The following ATP6V1F variants were observed in gnomAD, a reference collection of about 807,000 sequenced individuals.
ATP6V1F encodes ATPase H+ transporting V1 subunit F.
Under a neutral mutation model 6.6 loss-of-function variants are expected in ATP6V1F, and 4 were observed. The ratio of observed to expected loss-of-function variants is 0.60; its 90% CI spans 0.30 to 1.38. The LOEUF is 1.38. Ranked by LOEUF, ATP6V1F falls within the 40% of genes most tolerant of loss-of-function variation. The probability of loss-of-function intolerance (pLI) is 0.08; values close to 1 mark genes in which losing one functional copy is unlikely to be tolerated. For missense variants in ATP6V1F, 136 were observed against 165.5 expected, an observed-to-expected ratio of 0.82 and a Z score of 0.98; for synonymous variants, 68 against 66.9, an observed-to-expected ratio of 1.02 and a Z score of -0.08.
At position 128,863,116 on chromosome 7, in the gene ATP6V1F, G is replaced by A. The variant is rs553457309; in HGVS notation, c.158+54G>A. The A allele has an allele frequency of 2.0e-3, 3,127 of 1,576,192 alleles. 12 individuals are homozygous for A. Among genetic ancestry groups the A allele is most frequent in the South Asian group, 4.3e-3 (373 of 85,962 alleles). The stretch of plus-strand genomic sequence containing the variant: ...CCCTTCTGCTGCTCGGTGGAGTGCG[G>A]GGCGAGGCTGGAGGCTGCCCGGACG... On this transcript the variant is annotated intron_variant, in intron 1 of 1. Coordinates refer to ENST00000249289, the MANE Select transcript of ATP6V1F (RefSeq NM_004231.4).
rs1809302590 is a variant in ATP6V1F at position 128,863,034 on chromosome 7, A to G, written c.130A>G (p.Thr44Ala). ...PNFLVVEKDTTINEIEDTFRQ... is the reference protein window; with the variant it reads ...PNFLVVEKDTAINEIEDTFRQ... The stretch of plus-strand genomic sequence containing the variant: ...TTTCCTGGTGGTGGAGAAGGATACA[A>G]CCATCAATGAGATCGAAGACACTTT... Residue 44 changes from threonine to alanine, a missense_variant, in exon 1 of 2, where the codon ACC (threonine) becomes GCC (alanine). Thr to Ala is a moderately conservative substitution (Grantham distance 58, BLOSUM62 0). Transcript: ENST00000249289. 1 of 1,612,696 alleles carries G rather than the reference A, an allele frequency of 6.2e-7. No homozygotes were observed.
In ATP6V1F at chr7:128,862,969, T is replaced by C; in HGVS notation, c.65T>C (p.Leu22Pro). 6.2e-7 allele frequency: 1 copy of C among 1,613,530 alleles called. No homozygotes were observed. Among genetic ancestry groups the C allele is most frequent in the Non-Finnish European group, 8.5e-7 (1 of 1,179,722 alleles). Residue 22 changes from leucine to proline, a missense_variant, in exon 1 of 2, where the codon CTG (leucine) becomes CCG (proline). Physicochemically the swap from Leu to Pro is moderately conservative, Grantham distance 98. Coordinates refer to ENST00000249289, the MANE Select transcript of ATP6V1F (RefSeq NM_004231.4). The part of the protein sequence containing the change: ...GDEDTVTGFL[L>P]GGIGELNKNR... ...GAGGACACGGTGACTGGTTTCCTGC[T>C]GGGCGGCATAGGGGAGCTTAACAAG... is the stretch of plus-strand genomic sequence containing the variant.
chr7:128,864,980 G>C, intron 1 of ATP6V1F: 2 of 758,712 alleles, frequency 2.6e-6, no homozygotes, highest in Non-Finnish European at 4.4e-6. Context: ...TGGGATTACA[G>C]GCGTGAGCCA....
rs531813747 is a variant in ATP6V1F at position 128,864,824 on chromosome 7, G to A, written c.159-553G>A. ...TATATATAGATAGATAGATAGATCC[G>A]CCACATCCAGCCATTTTTTTGTGTG... On this transcript the variant is annotated intron_variant, in intron 1 of 1. Coordinates refer to ENST00000249289, the MANE Select transcript of ATP6V1F (RefSeq NM_004231.4). The A allele has an allele frequency of 6.7e-4, 224 of 331,902 alleles. 3 individuals carry two copies. The highest frequency in any genetic ancestry group is 8.7e-5 in the Non-Finnish European group (15 of 172,854). 20.6% of individuals were successfully genotyped at this position (331,902 alleles called of 1,614,324 possible).
chr7:128,865,685 T>A lies in ATP6V1F; in HGVS notation c.*107T>A, dbSNP rs1809379793. On this transcript the variant is annotated 3_prime_UTR_variant, in exon 2 of 2. Coordinates refer to ENST00000249289, the MANE Select transcript of ATP6V1F (RefSeq NM_004231.4). This position sits in a 1 kb window ranked among gnomAD's most constrained non-coding sequence, Gnocchi z 4.4. The stretch of plus-strand genomic sequence containing the variant: ...CCTCTGATTTCCAATTCCCTGCTCC[T>A]TCCCACTCCATTAAGAGGCTAGGTG... 1 of 1,244,320 alleles carries A rather than the reference T, an allele frequency of 8.0e-7. No individual in the cohort carries two copies. Among genetic ancestry groups the A allele is most frequent in the Non-Finnish European group, 1.1e-6 (1 of 905,612 alleles). 77.1% of individuals were successfully genotyped at this position (1,244,320 alleles called of 1,614,324 possible).
rs964058658 is a variant in ATP6V1F, at chr7:128,865,797, C to T, written c.*219C>T. The T allele has an allele frequency of 2.0e-5, 12 of 588,926 alleles. No individual in the cohort carries two copies. In the African/African-American group the frequency reaches 2.0e-4, roughly 10 times the overall value. The allele number at this position is 588,926 out of a possible 1,614,324, so 36.5% of individuals were successfully genotyped here. A position where few individuals can be genotyped will look rare whatever the true frequency, so the allele number is the denominator to read the frequency against. On this transcript the variant is annotated 3_prime_UTR_variant, in exon 2 of 2. Transcript: ENST00000249289. The surrounding 1 kb of genome is among the most constrained non-coding windows in gnomAD (Gnocchi z 4.4). Reference sequence around the variant, plus strand: ...CCACTACCTCTTCCCTGTGCTGTTACACAGTGTCATTGTTGATGTTAAATT... The same window carrying T: ...CCACTACCTCTTCCCTGTGCTGTTATACAGTGTCATTGTTGATGTTAAATT...
At chr7:128,864,044 C>T (rs1391776397) in intron 1 of ATP6V1F, among the ~76,000 whole-genome samples, 1 of 152,174 alleles carries the variant, frequency 6.6e-6, no homozygotes, top group African/African-American at 2.4e-5. Flanking sequence ...AATTTTTAAT[C>T]AGTAAATAAA....
In ATP6V1F at chr7:128,862,916, G is replaced by T. The variant is rs200558362; in HGVS notation, c.12G>T (p.Arg4Ser). The T allele has an allele frequency of 2.5e-6, 4 of 1,606,690 alleles. No individual in the cohort carries two copies. The African/African-American group carries it at 4.0e-5, about 16-fold the overall frequency. ...GCCCGGCTGCAGGGATGGCGGGGAG[G>T]GGTAAGCTCATCGCAGTGATCGGAG... MAG[R>S]GKLIAVIGDE... Residue 4 changes from arginine to serine, a missense_variant, in exon 1 of 2, where the codon AGG becomes AGT. By Grantham distance (110) the Arg-to-Ser change is moderately radical. Coordinates refer to ENST00000249289, the MANE Select transcript of ATP6V1F (RefSeq NM_004231.4).
chr7:128,862,947 G>A lies in ATP6V1F; in HGVS notation c.43G>A (p.Asp15Asn), dbSNP rs761662267. Residue 15 changes from aspartate (D) to asparagine (N), a missense_variant, in exon 1 of 2, where the codon GAC becomes AAC. Transcript: ENST00000249289. ...GKLIAVIGDE[D>N]TVTGFLLGGI... ...GCTCATCGCAGTGATCGGAGACGAG[G>A]ACACGGTGACTGGTTTCCTGCTGGG... 6.2e-7 allele frequency: 1 copy of A among 1,613,272 alleles called. No homozygotes were observed. Among genetic ancestry groups the A allele is most frequent in the Non-Finnish European group, 8.5e-7 (1 of 1,179,606 alleles).
rs2128941594 is a variant in ATP6V1F at position 128,863,069 on chromosome 7, T to C, written c.158+7T>C. 1 of 1,607,922 alleles carries C rather than the reference T, an allele frequency of 6.2e-7. No homozygotes were observed. Among genetic ancestry groups the C allele is most frequent in the East Asian group, 2.3e-5 (1 of 44,088 alleles). On this transcript the variant is annotated splice_region_variant and intron_variant, in intron 1 of 1. Coordinates refer to ENST00000249289, the MANE Select transcript of ATP6V1F (RefSeq NM_004231.4). ...AGATCGAAGACACTTTCCGGTACGG[T>C]ACCGCGCGAGGCCTGAACGGGCCCT...
In ATP6V1F at chr7:128,864,862, TAGAGAG is replaced by T. The variant is rs71162535; in HGVS notation, c.159-498_159-493del. On this transcript the variant is annotated intron_variant, in intron 1 of 1. Coordinates refer to ENST00000249289, the MANE Select transcript of ATP6V1F (RefSeq NM_004231.4). ...ATTTTTTTGTGTGTGTATATATAGA[TAGAGAG>T]AGAGAGAGAGAGAGAGGGAGATGGG... 385 of 418,150 alleles carry T rather than the reference TAGAGAG, an allele frequency of 9.2e-4. 1 individual carries two copies. The highest frequency in any genetic ancestry group is 3.2e-3 in the African/African-American group (155 of 48,172). The allele number at this position is 418,150 out of a possible 1,614,324, so 25.9% of individuals were successfully genotyped here. A position where few individuals can be genotyped will look rare whatever the true frequency, so the allele number is the denominator to read the frequency against.
chr7:128,865,709 T>G lies in ATP6V1F; in HGVS notation c.*131T>G. The G allele has an allele frequency of 9.6e-7, 1 of 1,040,708 alleles. No homozygotes were observed. The highest frequency in any genetic ancestry group is 1.4e-6 in the Non-Finnish European group (1 of 733,210). 64.5% of individuals were successfully genotyped at this position (1,040,708 alleles called of 1,614,324 possible). On this transcript the variant is annotated 3_prime_UTR_variant, in exon 2 of 2. Coordinates refer to ENST00000249289, the MANE Select transcript of ATP6V1F (RefSeq NM_004231.4). The surrounding 1 kb of genome is among the most constrained non-coding windows in gnomAD (Gnocchi z 4.4). ...CTTCCCACTCCATTAAGAGGCTAGG[T>G]GAGGCGCTTCTAGGTTGCTGGGGCT...
chr7:128,865,602 C>T lies in ATP6V1F; in HGVS notation c.*24C>T, dbSNP rs200174156. 32 of 1,592,960 alleles carry T rather than the reference C, an allele frequency of 2.0e-5. 2 individuals are homozygous for T. The African/African-American group carries it at 3.9e-4, about 19-fold the overall frequency. On this transcript the variant is annotated 3_prime_UTR_variant, in exon 2 of 2. Transcript: ENST00000249289. This position sits in a 1 kb window ranked among gnomAD's most constrained non-coding sequence, Gnocchi z 4.4. ...AGGGGACTCCTCATAGCCCTCAGCC[C>T]TTCCCTCGTTTCCAGGCCTCTCCCC... is the stretch of plus-strand genomic sequence containing the variant.
rs1585175688 is a variant in ATP6V1F at position 128,863,009 on chromosome 7, T to C, written c.105T>C (p.Asn35=). The C allele has an allele frequency of 6.2e-7, 1 of 1,613,644 alleles. No homozygotes were observed. The highest frequency in any genetic ancestry group is 8.5e-7 in the Non-Finnish European group (1 of 1,179,834). ...AGCTTAACAAGAACCGCCATCCCAA[T>C]TTCCTGGTGGTGGAGAAGGATACAA... is the stretch of plus-strand genomic sequence containing the variant. ...IGELNKNRHP[N]FLVVEKDTTI... The change falls in exon 1 of 2, where the codon AAT becomes AAC. Residue 35 remains asparagine (N), a synonymous_variant. Transcript: ENST00000249289.
chr7:128,862,879 A>G lies in ATP6V1F; in HGVS notation c.-26A>G. 1.9e-6 allele frequency: 3 copies of G among 1,551,822 alleles called. No individual in the cohort carries two copies. The East Asian group carries it at 7.2e-5, about 37-fold the overall frequency. On this transcript the variant is annotated 5_prime_UTR_variant, in exon 1 of 2. Coordinates refer to ENST00000249289, the MANE Select transcript of ATP6V1F (RefSeq NM_004231.4). The stretch of plus-strand genomic sequence containing the variant: ...GGGTTTCAGTGGCTTCTGGTGCTCT[A>G]GGGTGAGCTCTGCCCGGCTGCAGGG...
intron 1 of ATP6V1F, among the ~76,000 whole-genome samples, chr7:128,864,125 C>T (rs560338982): frequency 3.3e-5 from 5 of 152,316 alleles, no homozygotes; most frequent in African/African-American, 9.6e-5. Context: ...GGGTGGATCA[C>T]CTGAGCTCGG....
rs371637318 is a variant in ATP6V1F at position 128,862,901 on chromosome 7, A to G, written c.-4A>G. On this transcript the variant is annotated 5_prime_UTR_variant, in exon 1 of 2. Transcript: ENST00000249289. ...TCTAGGGTGAGCTCTGCCCGGCTGC[A>G]GGGATGGCGGGGAGGGGTAAGCTCA... is the stretch of plus-strand genomic sequence containing the variant. The G allele has an allele frequency of 2.9e-5, 46 of 1,592,058 alleles. No homozygotes were observed. The highest frequency in any genetic ancestry group is 3.9e-5 in the Non-Finnish European group (46 of 1,169,936).
At chr7:128,864,115 G>A (rs1241738809) in intron 1 of ATP6V1F, among the ~76,000 whole-genome samples, 5 of 152,178 alleles carry the variant, frequency 3.3e-5, no homozygotes, top group African/African-American at 1.2e-4. Context: ...AGGCCGAGGC[G>A]GGTGGATCAC....
intron 1 of ATP6V1F, 120 bp downstream of exon 1, chr7:128,863,182 G>T: frequency 2.4e-5 from 31 of 1,316,218 alleles, no homozygotes; most frequent in Non-Finnish European, 3.0e-5. Context: ...CGCCCTTCCG[G>T]AGCGGAGGCC....
Sources: gnomAD v4.1 joint callset for allele counts (sites outside exome capture counted in the v4.1 genomes callset) on GRCh38, gnomAD v4.1.1 for gene constraint, Gnocchi (gnomAD v3.1) non-coding constraint, MANE v1.5 for transcripts, NCBI Gene and HGNC (gene_info 2026-07-23, HGNC 2026-07-21) for gene names.